Variants in ACAT2 observed in about 807,000 individuals in gnomAD.
The protein encoded by ACAT2 is acetyl-CoA acetyltransferase, cytosolic.
ACAT2 carries 26 observed loss-of-function variants against 37.1 expected under a neutral mutation model. That is an observed-to-expected ratio of 0.70 (90% confidence interval 0.51 to 0.97). The LOEUF is 0.97. Ranked by LOEUF, ACAT2 falls within the 50% of genes least tolerant of loss-of-function variation. The probability of loss-of-function intolerance (pLI) is 0.00; values close to 1 mark genes in which losing one functional copy is unlikely to be tolerated. For synonymous variants in ACAT2, 156 were observed against 163.6 expected (o/e 0.95, Z 0.35); for missense variants, 468 against 489.0 (o/e 0.96, Z 0.40).
intron 4 of ACAT2, among the ~76,000 whole-genome samples, chr6:159,771,176 G>A (rs1308525077): frequency 1.3e-5 from 2 of 152,228 alleles, no homozygotes; most frequent in African/African-American, 4.8e-5. Flanking sequence ...GAGGTCGGGA[G>A]TTTGAGACCC....
intron 4 of ACAT2, among the ~76,000 whole-genome samples, chr6:159,772,514 C>G (rs923979269): frequency 1.6e-4 from 25 of 152,174 alleles, no homozygotes; most frequent in Non-Finnish European, 3.2e-4. Context: ...ACAGATTACT[C>G]ACATGGGAAA....
intron 4 of ACAT2, among the ~76,000 whole-genome samples, chr6:159,771,419 T>C (rs1780334902): frequency 6.6e-6 from 1 of 152,058 alleles, no homozygotes; most frequent in Non-Finnish European, 1.5e-5. Context: ...CTTGGTGGTC[T>C]GCAGGACAAA....
Position 159,778,674 on chromosome 6 carries a change from G to A in ACAT2, c.1039G>A (p.Gly347Arg). 1 of 1,614,126 alleles carries A rather than the reference G, an allele frequency of 6.2e-7. No homozygotes were observed. The highest frequency in any genetic ancestry group is 1.1e-5 in the South Asian group (1 of 91,068). ...LNPEKVNIEG[G>R]AIALGHPLGA... is the part of the protein sequence containing the mutation. ...CCCCCGTTAGGTCAATATTGAAGGAGGGGCTATAGCCTTGGGCCACCCTCT... is the reference window on the plus strand; with the variant it reads ...CCCCCGTTAGGTCAATATTGAAGGAAGGGCTATAGCCTTGGGCCACCCTCT... The change falls in exon 9 of 9, where the codon GGG (glycine) becomes AGG (arginine). Residue 347 changes from glycine (G) to arginine (R), a missense_variant. Physicochemically the swap from Gly to Arg is moderately radical, Grantham distance 125. Coordinates refer to ENST00000367048, the MANE Select transcript of ACAT2 (RefSeq NM_005891.3).
Position 159,776,492 on chromosome 6 carries a change from G to T in ACAT2, c.757+220G>T, listed in dbSNP as rs1033484471. 7.9e-5 allele frequency among the ~76,000 whole-genome samples: 12 copies of T among 152,238 alleles called. No homozygotes were observed. The South Asian group carries it at 1.0e-3, about 13-fold the overall frequency. On this transcript the variant is annotated intron_variant, in intron 6 of 8. Coordinates refer to ENST00000367048, the MANE Select transcript of ACAT2 (RefSeq NM_005891.3). ...GCCTTAACCTCCCAAGTAGCTGGGG[G>T]ACTACAGGCATGAGCCACCACACCC...
intron 2 of ACAT2, among the ~76,000 whole-genome samples, chr6:159,764,116 A>C (rs984881229): frequency 2.6e-5 from 4 of 152,044 alleles, no homozygotes; most frequent in East Asian, 2.0e-4. Context: ...AAAGAAGAAG[A>C]AGAAGCAGCA....
At chr6:159,763,576 T>C (rs963794175) in intron 2 of ACAT2, among the ~76,000 whole-genome samples, 5 of 150,912 alleles carry the variant, frequency 3.3e-5, no homozygotes, top group African/African-American at 1.2e-4. Context: ...ATATGCTTTT[T>C]GTGAATGAAC....
At chr6:159,767,693 A>G (rs1467187435) in intron 3 of ACAT2, among the ~76,000 whole-genome samples, 1 of 152,202 alleles carries the variant, frequency 6.6e-6, no homozygotes, top group Non-Finnish European at 1.5e-5. Context: ...TCAAACTGGC[A>G]TAGTGGTTGA....
intron 8 of ACAT2, 83 bp from the exon 9 acceptor site, chr6:159,778,576 C>A: frequency 1.4e-6 from 2 of 1,451,604 alleles, no homozygotes; most frequent in Non-Finnish European, 1.9e-6. Context: ...CATGCTGATA[C>A]ATTAAGAGGA....
At chr6:159,763,122 A>T (rs773029531) in intron 2 of ACAT2, 69 bp downstream of exon 2, 33 of 1,515,866 alleles carry the variant, frequency 2.2e-5, no homozygotes, top group African/African-American at 4.2e-5. Flanking sequence ...ACACACACAC[A>T]CACTCTCACA....
chr6:159,762,780 G>T, intron 1 of ACAT2, 139 bp from the exon 2 acceptor site: 1 of 1,592,640 alleles, frequency 6.3e-7, no homozygotes, highest in South Asian at 1.1e-5. Context: ...ACCAGCAGGT[G>T]TAGGAACGTG....
At chr6:159,777,178 T>G in intron 6 of ACAT2, 124 bp from the exon 7 acceptor site, 1 of 1,098,388 alleles carries the variant, frequency 9.1e-7, no homozygotes, top group Non-Finnish European at 1.3e-6. Context: ...TCTGTTGAAT[T>G]ATAGTAAATG....
chr6:159,766,190 A>G (rs62439362), intron 2 of ACAT2, among the ~76,000 whole-genome samples: 4,315 of 152,348 alleles, frequency 0.028, 84 homozygotes, highest in South Asian at 0.048. Context: ...ATTTTGTTAT[A>G]TAACCATTTA....
At chr6:159,764,119 A>C (rs5015801) in intron 2 of ACAT2, among the ~76,000 whole-genome samples, 2,993 of 151,800 alleles carry the variant, frequency 0.02, 42 homozygotes, top group Admixed American at 0.044. Flanking sequence ...GAAGAAGAAG[A>C]AGCAGCAGCA....
chr6:159,762,179 G>T (rs1330499154), intron 1 of ACAT2, 37 bp downstream of exon 1: 3 of 1,595,210 alleles, frequency 1.9e-6, no homozygotes, highest in Admixed American at 1.7e-5. Flanking sequence ...AGTCCGAGGC[G>T]CCTGCTGCTT....
At chr6:159,775,959 T>C in intron 5 of ACAT2, 191 bp from the exon 6 acceptor site, 2 of 560,638 alleles carry the variant, frequency 3.6e-6, no homozygotes, top group Non-Finnish European at 6.2e-6. Context: ...CATAAGGACA[T>C]ACTCATAAAT....
At chr6:159,778,515 G>C (rs1780484871) in intron 8 of ACAT2, 144 bp from the exon 9 acceptor site, 1 of 902,746 alleles carries the variant, frequency 1.1e-6, no homozygotes, top group Non-Finnish European at 1.6e-6. Context: ...TCACAAAGGT[G>C]TAAATTTATT....
At chr6:159,778,424 T>TAAAAAAAAAAAAAAAA (rs1162214335) in intron 8 of ACAT2, 144 bp downstream of exon 8, 1 of 62,912 alleles carries the variant, frequency 1.6e-5, no homozygotes, top group Admixed American at 3.1e-4. Flanking sequence ...TCCCAAGGTT[T>TAAAAAAAAAAAAAAAA]AAAAAAAAAA....
intron 6 of ACAT2, 109 bp downstream of exon 6, chr6:159,776,381 A>T: frequency 2.3e-6 from 3 of 1,321,844 alleles, no homozygotes; most frequent in Non-Finnish European, 3.0e-6. Flanking sequence ...TGGGACAGGG[A>T]CTCACTCTGC....
At chr6:159,776,108 GTC>G in intron 5 of ACAT2, 40 bp from the exon 6 acceptor site, 2 of 1,604,284 alleles carry the variant, frequency 1.2e-6, no homozygotes, top group South Asian at 2.2e-5. Context: ...ACTTACTTCT[GTC>G]TCTGGACTAA....
Sources: gnomAD v4.1 joint callset for allele counts (sites outside exome capture counted in the v4.1 genomes callset) on GRCh38, gnomAD v4.1.1 for gene constraint, MANE v1.5 for transcripts, NCBI Gene and HGNC (gene_info 2026-07-23, HGNC 2026-07-21) for gene names.